Variants in SYT1 observed in about 807,000 individuals in gnomAD.
SYT1 encodes the protein synaptotagmin-1.
Under a neutral mutation model 44.8 loss-of-function variants are expected in SYT1, and 8 were observed. That is an observed-to-expected ratio of 0.18 (90% confidence interval 0.10 to 0.32). The LOEUF (loss-of-function observed/expected upper bound fraction) is 0.32. Ranked by LOEUF, SYT1 falls within the 10% of genes least tolerant of loss-of-function variation. The probability of loss-of-function intolerance (pLI) is 1.00; values close to 1 mark genes in which losing one functional copy is unlikely to be tolerated. For synonymous variants in SYT1, 154 were observed against 188.8 expected (o/e 0.82, Z 1.51); for missense variants, 286 against 509.3 (o/e 0.56, Z 4.22).
chr12:78,867,753 T>C (rs1339572728), intron 1 of SYT1, among the ~76,000 whole-genome samples: 1 of 152,000 alleles, frequency 6.6e-6, no homozygotes, highest in East Asian at 1.9e-4. Flanking sequence ...ATATTAGTTA[T>C]TTCATCTGGT....
chr12:79,149,293 G>A lies in SYT1; in HGVS notation c.-17-68210G>A, dbSNP rs1870117656. On this transcript the variant is annotated intron_variant, in intron 3 of 10. Coordinates refer to ENST00000261205, the MANE Select transcript of SYT1 (RefSeq NM_005639.3). ...TTTGAAAGTGAATACTGGTTTTATT[G>A]CTATTTGAAAATATTACTTAAAATA... Among the ~76,000 whole-genome samples the A allele has an allele frequency of 2.0e-5, 3 of 151,958 alleles. No homozygotes were observed. The South Asian group carries it at 6.2e-4, about 32-fold the overall frequency.
intron 9 of SYT1, among the ~76,000 whole-genome samples, chr12:79,358,748 G>A (rs1012686445): frequency 8.5e-5 from 13 of 152,078 alleles, no homozygotes; most frequent in African/African-American, 3.1e-4. Flanking sequence ...CCTGCGTGAG[G>A]TGCCTCCCCT....
chr12:79,440,790 T>A (rs922664793), intron 9 of SYT1, among the ~76,000 whole-genome samples: 1 of 152,138 alleles, frequency 6.6e-6, no homozygotes, highest in African/African-American at 2.4e-5. Flanking sequence ...TTTTTAAAAT[T>A]GTATTCTTAA....
chr12:79,305,211 A>C (rs994027259), intron 8 of SYT1, among the ~76,000 whole-genome samples: 1 of 152,204 alleles, frequency 6.6e-6, no homozygotes, highest in African/African-American at 2.4e-5. Context: ...GTTTCTAAAC[A>C]AAAATCCAAT....
intron 7 of SYT1, among the ~76,000 whole-genome samples, chr12:79,296,486 T>C (rs926606895): frequency 6.6e-6 from 1 of 152,194 alleles, no homozygotes; most frequent in Non-Finnish European, 1.5e-5. Context: ...GATGTCATAG[T>C]CACATCTAAA....
chr12:78,945,713 A>G (rs1017252391), intron 1 of SYT1, among the ~76,000 whole-genome samples: 3 of 152,154 alleles, frequency 2.0e-5, no homozygotes, highest in African/African-American at 7.2e-5. Flanking sequence ...ATCCAAAGAC[A>G]TGAATCTCGT....
chr12:79,006,551 GA>G (rs1871098210), intron 2 of SYT1, among the ~76,000 whole-genome samples: 1 of 151,908 alleles, frequency 6.6e-6, no homozygotes, highest in South Asian at 2.1e-4. Context: ...AGTCAGTAGG[GA>G]TAAGTATTTG....
At chr12:79,378,989 G>C (rs1884111918) in intron 9 of SYT1, among the ~76,000 whole-genome samples, 1 of 152,058 alleles carries the variant, frequency 6.6e-6, no homozygotes, top group South Asian at 2.1e-4. Context: ...ACAGACTTTG[G>C]GTCAAAGTGT....
At chr12:79,057,580 A>G (rs1031707394) in intron 3 of SYT1, among the ~76,000 whole-genome samples, 1 of 151,938 alleles carries the variant, frequency 6.6e-6, no homozygotes, top group Non-Finnish European at 1.5e-5. Context: ...TTTTTTAGGC[A>G]TTTACTATTT....
At chr12:78,986,368 T>C (rs1456196081) in intron 2 of SYT1, among the ~76,000 whole-genome samples, 1 of 151,958 alleles carries the variant, frequency 6.6e-6, no homozygotes, top group South Asian at 2.1e-4. Context: ...TTTCCCCAAA[T>C]TATTTTATTA....
At chr12:79,161,282 T>G (rs1226494051) in intron 3 of SYT1, among the ~76,000 whole-genome samples, 1 of 152,112 alleles carries the variant, frequency 6.6e-6, no homozygotes, top group African/African-American at 2.4e-5. Flanking sequence ...ACTTTACCTT[T>G]TCTATGTTTA....
chr12:79,051,856 C>T (rs1365593996), intron 3 of SYT1, among the ~76,000 whole-genome samples: 3 of 152,146 alleles, frequency 2.0e-5, no homozygotes, highest in African/African-American at 7.2e-5. Flanking sequence ...GGCATTATTT[C>T]TGAGGGCTCT....
At chr12:79,299,964 T>C (rs1880055573) in intron 8 of SYT1, among the ~76,000 whole-genome samples, 1 of 152,208 alleles carries the variant, frequency 6.6e-6, no homozygotes, top group African/African-American at 2.4e-5. Context: ...AATAAAATGG[T>C]ACTTTTTCCT....
intron 8 of SYT1, among the ~76,000 whole-genome samples, chr12:79,343,073 A>C (rs114942798): frequency 6.6e-6 from 1 of 152,222 alleles, no homozygotes; most frequent in African/African-American, 2.4e-5. Context: ...TAAAATCAGG[A>C]AATCATTGTA....
chr12:79,066,633 C>G (rs78010295), intron 3 of SYT1, among the ~76,000 whole-genome samples: 1 of 151,922 alleles, frequency 6.6e-6, no homozygotes, highest in Non-Finnish European at 1.5e-5. Flanking sequence ...ATTCAATTTA[C>G]AAATGGGGAT....
chr12:78,966,940 T>C (rs1261657778), intron 1 of SYT1, among the ~76,000 whole-genome samples: 2 of 152,190 alleles, frequency 1.3e-5, no homozygotes, highest in African/African-American at 4.8e-5. Context: ...AACAATCTGT[T>C]GTTCAAAAAC....
chr12:79,269,235 A>C (rs1002016516), intron 4 of SYT1, among the ~76,000 whole-genome samples: 2 of 152,106 alleles, frequency 1.3e-5, no homozygotes, highest in African/African-American at 4.8e-5. Flanking sequence ...AAAACTGTGA[A>C]ACAGAGAATT....
chr12:79,029,350 CA>C (rs1872705827), intron 2 of SYT1, among the ~76,000 whole-genome samples: 1 of 133,480 alleles, frequency 7.5e-6, no homozygotes, highest in Non-Finnish European at 1.6e-5. Flanking sequence ...CCATATTGTA[CA>C]AATCAGTAAA....
chr12:79,259,626 C>G (rs1012471194), intron 4 of SYT1, among the ~76,000 whole-genome samples: 3 of 152,118 alleles, frequency 2.0e-5, no homozygotes, highest in Non-Finnish European at 4.4e-5. Flanking sequence ...CCCAGCTACT[C>G]AGGAGGCTGA....
Sources: gnomAD v4.1 joint callset for allele counts (sites outside exome capture counted in the v4.1 genomes callset) on GRCh38, gnomAD v4.1.1 for gene constraint, MANE v1.5 for transcripts, NCBI Gene and HGNC (gene_info 2026-07-23, HGNC 2026-07-21) for gene names.